The following FAM13C variants were observed in gnomAD, a reference collection of about 807,000 sequenced individuals.
The protein encoded by FAM13C is protein FAM13C.
FAM13C carries 37 observed loss-of-function variants against 73.2 expected under a neutral mutation model. That is an observed-to-expected ratio of 0.51 (90% CI 0.39 to 0.67). The LOEUF is 0.67. Ranked by LOEUF, FAM13C falls within the 30% of genes least tolerant of loss-of-function variation. The pLI is 0.00. For synonymous variants in FAM13C, 246 were observed against 260.9 expected (o/e 0.94, Z 0.55); for missense variants, 589 against 715.6 (o/e 0.82, Z 2.02).
At chr10:59,276,234 G>A (rs561835570) in intron 6 of FAM13C, among the ~76,000 whole-genome samples, 1 of 152,276 alleles carries the variant, frequency 6.6e-6, no homozygotes, top group South Asian at 2.1e-4. Context: ...TTCTAGAGGG[G>A]ACCTAGGGAA....
chr10:59,282,177 A>T (rs1404425335), intron 6 of FAM13C: 1 of 152,338 alleles, frequency 6.6e-6, no homozygotes, highest in South Asian at 2.1e-4. Flanking sequence ...ACTAGGCTTC[A>T]GTGTCTTATG....
intron 3 of FAM13C, 86 bp from the exon 4 acceptor site, chr10:59,324,192 A>C (rs763241604): frequency 1.1e-5 from 12 of 1,075,138 alleles, no homozygotes; most frequent in Non-Finnish European, 1.6e-5. Context: ...GTCTCGGGGC[A>C]GGGAAGCAGC....
intron 2 of FAM13C, among the ~76,000 whole-genome samples, chr10:59,355,364 G>T (rs1045974991): frequency 1.3e-5 from 2 of 152,188 alleles, no homozygotes; most frequent in African/African-American, 4.8e-5. Flanking sequence ...CGTTATCTTG[G>T]ATGAGCTATC....
chr10:59,299,822 C>T (rs190961482), intron 5 of FAM13C, among the ~76,000 whole-genome samples: 7 of 152,100 alleles, frequency 4.6e-5, no homozygotes, highest in Admixed American at 4.6e-4. Context: ...GAGACAGAGT[C>T]ATACAGCTCA....
At position 59,320,047 on chromosome 10, in the gene FAM13C, G is replaced by A. The variant is rs117845600; in HGVS notation, c.443+3941C>T. ...GCCAGGAAGAAAAGGATTGAAGCAG[G>A]CATTATAAATCAAATGCCTATAGAA... On this transcript the variant is annotated intron_variant, in intron 4 of 13. Transcript: ENST00000618804. 4.4e-3 allele frequency among the ~76,000 whole-genome samples: 669 copies of A among 152,180 alleles called. 1 individual carries two copies. The highest frequency in any genetic ancestry group is 7.3e-3 in the Non-Finnish European group (493 of 67,998).
chr10:59,287,882 A>T (rs1845787939), intron 5 of FAM13C, among the ~76,000 whole-genome samples: 1 of 152,198 alleles, frequency 6.6e-6, no homozygotes, highest in Non-Finnish European at 1.5e-5. Context: ...CTACACTGAC[A>T]CTGAGGCCTT....
At chr10:59,278,833 TACAC>T (rs3078283) in intron 6 of FAM13C, among the ~76,000 whole-genome samples, 30,449 of 147,676 alleles carry the variant, frequency 0.21, 3,713 homozygotes, top group African/African-American at 0.35. Flanking sequence ...CACATACACA[TACAC>T]ACACACACAC....
intron 4 of FAM13C, among the ~76,000 whole-genome samples, chr10:59,313,819 A>G (rs571889879): frequency 2.4e-4 from 36 of 152,330 alleles, no homozygotes; most frequent in African/African-American, 7.9e-4. Flanking sequence ...ATAAAGGACC[A>G]TAATGAAATA....
At chr10:59,326,356 C>T (rs1284334143) in intron 3 of FAM13C, among the ~76,000 whole-genome samples, 2 of 151,986 alleles carry the variant, frequency 1.3e-5, no homozygotes, top group African/African-American at 4.8e-5. Flanking sequence ...AATTTCAAAC[C>T]TCAAGATGGT....
At chr10:59,348,051 G>C (rs1589708396) in intron 3 of FAM13C, among the ~76,000 whole-genome samples, 2 of 152,174 alleles carry the variant, frequency 1.3e-5, no homozygotes, top group South Asian at 2.1e-4. Context: ...GTTAGGATCA[G>C]ACTGAAGAGC....
intron 4 of FAM13C, among the ~76,000 whole-genome samples, chr10:59,314,327 A>T (rs1372550591): frequency 1.3e-5 from 2 of 152,222 alleles, no homozygotes; most frequent in African/African-American, 4.8e-5. Context: ...AATGAAGCTG[A>T]ACATGCAGTT....
chr10:59,265,600 T>C (rs922446945), intron 8 of FAM13C, among the ~76,000 whole-genome samples: 9 of 152,174 alleles, frequency 5.9e-5, no homozygotes, highest in African/African-American at 1.9e-4. Context: ...GTTATTTCCA[T>C]CTTTTGAAAT....
chr10:59,362,535 G>GC lies in FAM13C; in HGVS notation c.-76dup, dbSNP rs772350499. 8 of 1,580,716 alleles carry GC rather than the reference G, an allele frequency of 5.1e-6. No individual in the cohort carries two copies. In the South Asian group the frequency reaches 8.1e-5, roughly 16 times the overall value. ...AGAGCACATACACAAACATGGCATT[G>GC]CAAGGCAAGTCTCCGGGCTCGCCCG... On this transcript the variant is annotated 5_prime_UTR_variant, in exon 1 of 14. Coordinates refer to ENST00000618804, the MANE Select transcript of FAM13C (RefSeq NM_198215.4).
Position 59,302,923 on chromosome 10 carries a change from G to A in FAM13C, c.444-59C>T, listed in dbSNP as rs1847768997. Reference sequence around the variant, plus strand: ...AAAGAAACGTTTCAGTGATGTACATGTGAAGCTGGTGGCTACAAATCTGGC... The same window carrying A: ...AAAGAAACGTTTCAGTGATGTACATATGAAGCTGGTGGCTACAAATCTGGC... On this transcript the variant is annotated intron_variant, in intron 4 of 13. Coordinates refer to ENST00000618804, the MANE Select transcript of FAM13C (RefSeq NM_198215.4). The A allele has an allele frequency of 4.0e-6, 6 of 1,485,352 alleles. No homozygotes were observed. In the Admixed American group the frequency reaches 8.6e-5, roughly 21 times the overall value. The allele number at this position is 1,485,352 out of a possible 1,614,324, so 92.0% of individuals were successfully genotyped here.
chr10:59,352,435 A>C lies in FAM13C; in HGVS notation c.159T>G (p.Ala53=). The change falls in exon 3 of 14, where the codon GCT becomes GCG. Residue 53 remains alanine (A), a synonymous_variant. Transcript: ENST00000618804. ...AGGGCGGCGCGTGCTCTTCTACCAG[A>C]GCCCCTGCGTCGGGGTAGTTCTCTT... is the stretch of plus-strand genomic sequence containing the variant. ...NNKENYPDAG[A]LVEEHAPPSW... is the part of the protein sequence containing the mutation. 1.9e-6 allele frequency: 3 copies of C among 1,613,588 alleles called. No individual in the cohort carries two copies. The highest frequency in any genetic ancestry group is 2.5e-6 in the Non-Finnish European group (3 of 1,179,894).
intron 3 of FAM13C, among the ~76,000 whole-genome samples, chr10:59,332,336 G>A (rs927167870): frequency 5.9e-5 from 9 of 152,056 alleles, no homozygotes; most frequent in Non-Finnish European, 1.2e-4. Context: ...ATTGTTTAAT[G>A]AGTATGTGTT....
At chr10:59,287,478 T>C (rs1355356447) in intron 5 of FAM13C, among the ~76,000 whole-genome samples, 1 of 152,136 alleles carries the variant, frequency 6.6e-6, no homozygotes, top group Non-Finnish European at 1.5e-5. Flanking sequence ...TTTCATTCTT[T>C]TTTTTTTAAT....
intron 4 of FAM13C, among the ~76,000 whole-genome samples, chr10:59,320,099 GGA>G (rs1850023755): frequency 6.6e-6 from 1 of 152,118 alleles, no homozygotes; most frequent in Non-Finnish European, 1.5e-5. Context: ...AAATAAATGA[GGA>G]GAGCTGGGTA....
intron 13 of FAM13C, 54 bp from the exon 14 acceptor site, chr10:59,247,791 A>G (rs1016656723): frequency 1.5e-5 from 24 of 1,549,688 alleles, no homozygotes; most frequent in Non-Finnish European, 2.0e-5. Flanking sequence ...CATTATTTAA[A>G]CATTCTTTTA....
Sources: allele counts gnomAD v4.1 joint callset (sites outside exome capture counted in the v4.1 genomes callset), GRCh38; gene constraint gnomAD v4.1.1; transcripts MANE v1.5; gene names NCBI Gene and HGNC (gene_info 2026-07-23, HGNC 2026-07-21).